CLTCL1: variants seen among roughly 807,000 people sequenced by gnomAD.
CLTCL1 encodes the protein clathrin heavy chain 2.
CLTCL1 carries 159 observed loss-of-function variants against 190.0 expected under a neutral mutation model. That is an observed-to-expected ratio of 0.84 (90% CI 0.74 to 0.95). CLTCL1 has a LOEUF of 0.95. Ranked by LOEUF, CLTCL1 falls within the 40% of genes least tolerant of loss-of-function variation. CLTCL1 has a pLI of 0.00. For synonymous variants in CLTCL1, 752 were observed against 769.6 expected (o/e 0.98, Z 0.38); for missense variants, 1,878 against 2,033.4 (o/e 0.92, Z 1.47).
Position 19,191,347 on chromosome 22 carries a change from G to T in CLTCL1, c.4280C>A (p.Ser1427Ter). The T allele has an allele frequency of 1.2e-6, 2 of 1,614,020 alleles. No homozygotes were observed. The highest frequency in any genetic ancestry group is 1.7e-6 in the Non-Finnish European group (2 of 1,179,894). The part of the protein sequence containing the change: ...LLINDLLLVL[S>*]PRLDHTWTVS... ...TGTCCAGGTGTGGTCCAGCCGGGGT[G>T]AAAGCACCAGCAGCAGGTCATTGAT... The change falls in exon 27 of 33, where the codon TCA becomes TAA. Residue 1427 changes from serine (S) to a stop codon, truncating the protein, a stop_gained. Coordinates refer to ENST00000427926, the MANE Select transcript of CLTCL1 (RefSeq NM_007098.4). LOFTEE classifies it high-confidence loss of function.
chr22:19,180,663 G>T, intron 31 of CLTCL1, 68 bp downstream of exon 31: 1 of 1,507,918 alleles, frequency 6.6e-7, no homozygotes, highest in South Asian at 1.1e-5. Flanking sequence ...AGCCAGGTAA[G>T]GGCAGTGGGA....
intron 26 of CLTCL1, among the ~76,000 whole-genome samples, chr22:19,193,350 C>T (rs577917914): frequency 6.6e-6 from 1 of 152,340 alleles, no homozygotes; most frequent in East Asian, 1.9e-4. Context: ...GGACACACAT[C>T]TCTGTTGGGC....
rs79958636 is a variant in CLTCL1 at position 19,210,206 on chromosome 22, G to C, written c.3249+120C>G. ...GCTGGTGAGGAACAGAGAAGAGCAC[G>C]AAGAGATGCACTGGACAACCAGAGG... On this transcript the variant is annotated intron_variant, in intron 20 of 32. Transcript: ENST00000427926. 5.3e-5 allele frequency: 49 copies of C among 929,120 alleles called. No homozygotes were observed. The East Asian group carries it at 1.3e-3, about 24-fold the overall frequency. The allele number at this position is 929,120 out of a possible 1,614,324, so 57.6% of individuals were successfully genotyped here.
chr22:19,256,097 A>G (rs2086738875), intron 2 of CLTCL1, among the ~76,000 whole-genome samples: 1 of 152,088 alleles, frequency 6.6e-6, no homozygotes, highest in African/African-American at 2.4e-5. Context: ...TCATTTCCCC[A>G]TAAATTACGT....
intron 19 of CLTCL1, among the ~76,000 whole-genome samples, chr22:19,215,686 T>C (rs528012753): frequency 5.8e-4 from 88 of 152,376 alleles, no homozygotes; most frequent in African/African-American, 2.1e-3. Flanking sequence ...ATCTGGCTTC[T>C]ACATTATACT....
Position 19,239,341 on chromosome 22 carries a change from A to C in CLTCL1, c.729T>G (p.Phe243Leu). 6.2e-7 allele frequency: 1 copy of C among 1,614,052 alleles called. No homozygotes were observed. ...AAAACACATCTACTGCTTTCTTTACAAAAGGTTGGTTTCCCGCTGCAGGCT... is the reference window on the plus strand; with the variant it reads ...AAAACACATCTACTGCTTTCTTTACCAAAGGTTGGTTTCCCGCTGCAGGCT... ...VGQPAAGNQPFVKKAVDVFFP... is the reference protein window; with the variant it reads ...VGQPAAGNQPLVKKAVDVFFP... The change falls in exon 5 of 33, where the codon TTT (phenylalanine) becomes TTG (leucine). Residue 243 changes from phenylalanine (F) to leucine (L), a missense_variant. Coordinates refer to ENST00000427926, the MANE Select transcript of CLTCL1 (RefSeq NM_007098.4).
chr22:19,289,308 T>TAGC (rs1373941934), intron 1 of CLTCL1, among the ~76,000 whole-genome samples: 4 of 152,202 alleles, frequency 2.6e-5, no homozygotes, highest in Non-Finnish European at 5.9e-5. Flanking sequence ...CAGCAAAGAT[T>TAGC]AGCCAACTGC....
At chr22:19,251,717 A>G (rs1396463728) in intron 3 of CLTCL1, among the ~76,000 whole-genome samples, 2 of 152,166 alleles carry the variant, frequency 1.3e-5, no homozygotes, top group Admixed American at 6.5e-5. Flanking sequence ...TGGCCTCCCA[A>G]AGTGCTGGGA....
chr22:19,195,902 G>A (rs1601475296), intron 26 of CLTCL1, among the ~76,000 whole-genome samples: 1 of 152,276 alleles, frequency 6.6e-6, no homozygotes, highest in East Asian at 1.9e-4. Context: ...ACAGGAAGTG[G>A]GGGTGGGAGC....
intron 18 of CLTCL1, among the ~76,000 whole-genome samples, chr22:19,217,119 T>C (rs1443686006): frequency 6.6e-6 from 1 of 152,158 alleles, no homozygotes; most frequent in Non-Finnish European, 1.5e-5. Context: ...GTGAACTCAA[T>C]GGTACCATAA....
At chr22:19,267,436 G>A (rs1294365095) in intron 2 of CLTCL1, among the ~76,000 whole-genome samples, 5 of 152,160 alleles carry the variant, frequency 3.3e-5, no homozygotes, top group African/African-American at 4.8e-5. Flanking sequence ...AAGGATTTTT[G>A]TAGGAATTCA....
At chr22:19,246,329 G>A (rs1479126886) in intron 3 of CLTCL1, among the ~76,000 whole-genome samples, 2 of 152,020 alleles carry the variant, frequency 1.3e-5, no homozygotes, top group East Asian at 1.9e-4. Context: ...CAAAGTGCTG[G>A]GATTACAGGT....
chr22:19,245,208 T>C (rs1284680982), intron 3 of CLTCL1, among the ~76,000 whole-genome samples: 1 of 148,522 alleles, frequency 6.7e-6, no homozygotes, highest in Non-Finnish European at 1.5e-5. Context: ...TTTTTTTTTT[T>C]TGAGACAGAG....
chr22:19,196,532 A>C lies in CLTCL1; in HGVS notation c.3998T>G (p.Leu1333Arg). The C allele has an allele frequency of 6.2e-7, 1 of 1,614,078 alleles. No homozygotes were observed. The highest frequency in any genetic ancestry group is 1.1e-5 in the South Asian group (1 of 91,090). ...GGACCAGAAAAGCTCCAGATGCTCC[A>C]GCATCTTCTGTGGCTTGAATTTGGA... ...LYSKFKPQKM[L>R]EHLELFWSRV... The change falls in exon 25 of 33, where the codon CTG becomes CGG. Residue 1333 changes from leucine to arginine, a missense_variant. Coordinates refer to ENST00000427926, the MANE Select transcript of CLTCL1 (RefSeq NM_007098.4).
At chr22:19,216,352 C>A (rs2085386010) in intron 18 of CLTCL1, 96 bp from the exon 19 acceptor site, 1 of 1,136,244 alleles carries the variant, frequency 8.8e-7, no homozygotes, top group South Asian at 1.5e-5. Flanking sequence ...CCAAGATGGT[C>A]TGGAATAGAC....
At position 19,291,657 on chromosome 22, in the gene CLTCL1, T is replaced by TCGGCGGCGG. The variant is rs574306438; in HGVS notation, c.-25_-17dup. 8.8e-6 allele frequency: 12 copies of TCGGCGGCGG among 1,367,700 alleles called. No individual in the cohort carries two copies. The highest frequency in any genetic ancestry group is 4.6e-5 in the African/African-American group (3 of 65,796). 84.7% of individuals were successfully genotyped at this position (1,367,700 alleles called of 1,614,324 possible). A position where few individuals can be genotyped will look rare whatever the true frequency, so the allele number is the denominator to read the frequency against. ...TCTGCGCCATGGCTGGTGCGGGACC[T>TCGGCGGCGG]CGGCGGCGGCGGCGGCAGCGGCAGG... is the stretch of plus-strand genomic sequence containing the variant. On this transcript the variant is annotated 5_prime_UTR_variant, in exon 1 of 33. Coordinates refer to ENST00000427926, the MANE Select transcript of CLTCL1 (RefSeq NM_007098.4).
intron 2 of CLTCL1, among the ~76,000 whole-genome samples, chr22:19,269,513 C>T (rs1569243705): frequency 6.6e-6 from 1 of 152,130 alleles, no homozygotes. Flanking sequence ...GCACTATTTA[C>T]AATAGCAAAG....
rs1555926887 is a variant in CLTCL1 at position 19,183,574 on chromosome 22, T to C, written c.4643A>G (p.Glu1548Gly). 6.2e-7 allele frequency: 1 copy of C among 1,613,732 alleles called. No individual in the cohort carries two copies. The highest frequency in any genetic ancestry group is 8.5e-7 in the Non-Finnish European group (1 of 1,179,892). The change falls in exon 30 of 33, where the codon GAG becomes GGG. Residue 1548 changes from glutamate to glycine, a missense_variant. Coordinates refer to ENST00000427926, the MANE Select transcript of CLTCL1 (RefSeq NM_007098.4). ...CCACTGCAGCAACTTCTGGGCCAGC[T>C]CAGCATCCCGCGACTCTGCAGCATG... ...MQHAAESRDAELAQKLLQWFL... is the reference protein window; with the variant it reads ...MQHAAESRDAGLAQKLLQWFL...
At chr22:19,185,993 C>G (rs2084303449) in intron 29 of CLTCL1, among the ~76,000 whole-genome samples, 1 of 152,328 alleles carries the variant, frequency 6.6e-6, no homozygotes, top group Non-Finnish European at 1.5e-5. Context: ...ATCACAAGCA[C>G]TGTCACCAAG....
Sources: gnomAD v4.1 joint callset for allele counts (sites outside exome capture counted in the v4.1 genomes callset) on GRCh38, gnomAD v4.1.1 for gene constraint, MANE v1.5 for transcripts, NCBI Gene and HGNC (gene_info 2026-07-23, HGNC 2026-07-21) for gene names.